The following ZNF248 variants were observed in gnomAD, a reference collection of about 807,000 sequenced individuals.
ZNF248 encodes KRAB protein domain.
ZNF248 carries 20 observed loss-of-function variants against 44.3 expected under a neutral mutation model. The ratio of observed to expected loss-of-function variants is 0.45; its 90% confidence interval spans 0.32 to 0.66. The LOEUF is 0.66. Among genes scored for constraint, ZNF248 ranks in the 30% least tolerant of loss-of-function variants. The pLI, the probability that ZNF248 is intolerant of heterozygous loss-of-function variation, is 0.04. For missense variants in ZNF248, 654 were observed against 677.0 expected, an observed-to-expected ratio of 0.97 and a Z score of 0.38; for synonymous variants, 224 against 229.0, an observed-to-expected ratio of 0.98 and a Z score of 0.20.
rs2054930470 is a variant in ZNF248 at position 37,829,118 on chromosome 10, T to C, written c.*2497A>G. On this transcript the variant is annotated 3_prime_UTR_variant, in exon 6 of 6. Transcript: ENST00000395867. ...GTGCCCACCTGGGCTCTCCAGCAGA[T>C]GTATCTGGTTGGTTTCTCCAAAGAG... The C allele has an allele frequency of 1.0e-6, 1 of 985,388 alleles. No homozygotes were observed. The highest frequency in any genetic ancestry group is 1.2e-6 in the Non-Finnish European group (1 of 829,968). 61.0% of individuals were successfully genotyped at this position (985,388 alleles called of 1,614,324 possible).
intron 6 of ZNF248, among the ~76,000 whole-genome samples, chr10:37,809,427 G>A (rs770930403): frequency 3.9e-5 from 6 of 151,974 alleles, no homozygotes; most frequent in Non-Finnish European, 7.4e-5. Flanking sequence ...ACAGGCACCC[G>A]CCACCATGCC....
At chr10:37,790,959 A>G (rs1024640906) in intron 6 of ZNF248, among the ~76,000 whole-genome samples, 3 of 145,894 alleles carry the variant, frequency 2.1e-5, no homozygotes, top group Middle Eastern at 3.3e-3. Context: ...AGTGTAGTTT[A>G]GCTCTGACAT....
At chr10:37,768,897 A>G in the ZNF248 span, among the ~76,000 whole-genome samples, 2 of 152,198 alleles carry the variant, frequency 1.3e-5, no homozygotes, top group South Asian at 2.1e-4. Context: ...AGAAGAAAAG[A>G]GAGAAGAATC....
downstream of ZNF248, among the ~76,000 whole-genome samples, chr10:37,824,248 T>C (rs550127930): frequency 1.3e-5 from 2 of 152,162 alleles, no homozygotes; most frequent in South Asian, 2.1e-4. Flanking sequence ...TACTCACGAG[T>C]GTTGGCATTT....
At chr10:37,808,801 TAGTC>T (rs1222261284) in intron 6 of ZNF248, among the ~76,000 whole-genome samples, 1 of 152,194 alleles carries the variant, frequency 6.6e-6, no homozygotes, top group African/African-American at 2.4e-5. Flanking sequence ...AGACTAATGT[TAGTC>T]GGTCTTTAAA....
intron 5 of ZNF248, among the ~76,000 whole-genome samples, chr10:37,834,390 A>G (rs950812429): frequency 9.2e-5 from 14 of 152,170 alleles, no homozygotes; most frequent in Non-Finnish European, 1.8e-4. Context: ...ATTATTTCCA[A>G]CCTGCACCTG....
chr10:37,825,902 A>G (rs1384552852), downstream of ZNF248, among the ~76,000 whole-genome samples: 1 of 151,882 alleles, frequency 6.6e-6, no homozygotes, highest in East Asian at 1.9e-4. Context: ...CAGGTGAAAA[A>G]AAAAAAAGGG....
chr10:37,840,890 GA>G lies in ZNF248; in HGVS notation c.16-2780del, dbSNP rs746088582. ...AATCACTTCTGGTACCAGAAAATGA[GA>G]AAGTACTCAAATGAAAACACAATAG... On this transcript the variant is annotated intron_variant, in intron 3 of 5. Transcript: ENST00000395867. Among the ~76,000 whole-genome samples the G allele has an allele frequency of 1.0e-3, 156 of 152,292 alleles. 1 individual carries two copies. The highest frequency in any genetic ancestry group is 2.1e-3 in the Non-Finnish European group (144 of 68,020).
At chr10:37,783,028 A>T (rs921956818) in intron 6 of ZNF248, among the ~76,000 whole-genome samples, 1 of 152,166 alleles carries the variant, frequency 6.6e-6, no homozygotes, top group African/African-American at 2.4e-5. Flanking sequence ...CATACAGATG[A>T]TCTACCCTCT....
intron 6 of ZNF248, chr10:37,818,786 C>T (rs1354373633): frequency 2.5e-6 from 2 of 801,278 alleles, no homozygotes; most frequent in Non-Finnish European, 4.2e-6. Context: ...GCCTTTGCTT[C>T]AGGTGTTACT....
chr10:37,763,448 T>C, the ZNF248 span, among the ~76,000 whole-genome samples: 1 of 152,186 alleles, frequency 6.6e-6, no homozygotes, highest in African/African-American at 2.4e-5. Context: ...TGAGAAACAG[T>C]TTGCTGTTTG....
At chr10:37,857,010 A>T (rs530863984) in intron 1 of ZNF248, 175 bp downstream of exon 1, 2 of 152,444 alleles carry the variant, frequency 1.3e-5, no homozygotes, top group East Asian at 3.9e-4. Context: ...CGGGGATATC[A>T]GGCCAAGAGA....
chr10:37,819,564 T>A lies in ZNF248; in HGVS notation c.330+13461A>T, dbSNP rs1479825582. Reference sequence around the variant, plus strand: ...CTGTCATTTAGCATTGGATGATCTTTAAATTGTGAGTTATCTTCATTATGT... The same window carrying A: ...CTGTCATTTAGCATTGGATGATCTTAAAATTGTGAGTTATCTTCATTATGT... On this transcript the variant is annotated intron_variant, in intron 6 of 6. Transcript: ENST00000615949. 3 of 929,024 alleles carry A rather than the reference T, an allele frequency of 3.2e-6. No homozygotes were observed. The African/African-American group carries it at 4.9e-5, about 15-fold the overall frequency. 57.5% of individuals were successfully genotyped at this position (929,024 alleles called of 1,614,324 possible). A position where few individuals can be genotyped will look rare whatever the true frequency, so the allele number is the denominator to read the frequency against.
chr10:37,765,885 T>C, the ZNF248 span, among the ~76,000 whole-genome samples: 3 of 152,306 alleles, frequency 2.0e-5, no homozygotes, highest in East Asian at 1.9e-4. Context: ...AGATGGCACA[T>C]GGAAAATTGG....
chr10:37,793,097 G>A (rs558472854), intron 6 of ZNF248, among the ~76,000 whole-genome samples: 4 of 152,228 alleles, frequency 2.6e-5, no homozygotes, highest in African/African-American at 9.6e-5. Flanking sequence ...ACTTTGGGAG[G>A]CTGCGGCAGG....
At chr10:37,822,297 A>G (rs1246764516) in intron 6 of ZNF248, among the ~76,000 whole-genome samples, 1 of 152,220 alleles carries the variant, frequency 6.6e-6, no homozygotes, top group Non-Finnish European at 1.5e-5. Flanking sequence ...GAACACAGAA[A>G]AAAACATTTA....
chr10:37,853,115 AT>A (rs202144243), intron 3 of ZNF248, among the ~76,000 whole-genome samples: 9,099 of 152,130 alleles, frequency 0.06, 346 homozygotes, highest in Middle Eastern at 0.095. Context: ...AAGTGCTGGG[AT>A]TTACAGGCGT....
At chr10:37,764,739 T>C in the ZNF248 span, among the ~76,000 whole-genome samples, 5 of 152,230 alleles carry the variant, frequency 3.3e-5, no homozygotes, top group African/African-American at 7.2e-5. Context: ...ATGTAGGAAC[T>C]AATTCTTTGC....
chr10:37,769,507 A>G, the ZNF248 span, among the ~76,000 whole-genome samples: 2 of 152,224 alleles, frequency 1.3e-5, no homozygotes, highest in African/African-American at 4.8e-5. Context: ...TATAAACAGA[A>G]CCAATGACAA....
Sources: allele counts gnomAD v4.1 joint callset (sites outside exome capture counted in the v4.1 genomes callset), GRCh38; gene constraint gnomAD v4.1.1; transcripts MANE v1.5; gene names NCBI Gene and HGNC (gene_info 2026-07-23, HGNC 2026-07-21).